ITGA1: variants seen among roughly 807,000 people sequenced by gnomAD.
The protein encoded by ITGA1 is integrin subunit alpha 1.
A neutral mutation model predicts 145.9 loss-of-function variants in ITGA1; 85 were observed. The ratio of observed to expected loss-of-function variants is 0.58; its 90% confidence interval spans 0.49 to 0.70. ITGA1 has a LOEUF of 0.70. Ranked by LOEUF, ITGA1 falls within the 30% of genes least tolerant of loss-of-function variation. ITGA1 has a pLI of 0.00. For synonymous variants in ITGA1, 520 were observed against 495.3 expected, an observed-to-expected ratio of 1.05 and a Z score of -0.66; for missense variants, 1,351 against 1,418.7, an observed-to-expected ratio of 0.95 and a Z score of 0.77.
intron 8 of ITGA1, among the ~76,000 whole-genome samples, chr5:52,889,162 A>G (rs13356826): frequency 0.33 from 50,405 of 151,688 alleles, 8,642 homozygotes; most frequent in Admixed American, 0.43. Flanking sequence ...GTGAAGTGGC[A>G]CGATCTCGGC....
chr5:52,829,289 G>A (rs1051031084), intron 1 of ITGA1, among the ~76,000 whole-genome samples: 45 of 152,264 alleles, frequency 3.0e-4, no homozygotes, highest in South Asian at 4.1e-4. Flanking sequence ...ACTTTGGGAG[G>A]CCGAGGTGGG....
intron 1 of ITGA1, among the ~76,000 whole-genome samples, chr5:52,845,076 G>GA (rs754726107): frequency 5.3e-5 from 8 of 151,998 alleles, no homozygotes; most frequent in Non-Finnish European, 1.2e-4. Context: ...GACAGGAAAT[G>GA]AAAAAAGAAG....
chr5:52,925,363 T>C lies in ITGA1; in HGVS notation c.2489T>C (p.Leu830Pro). ...GTCGCCACCACTGAAAAGGACCTGCTGATTGTCCGATCCCAGAATGATAAG... is the reference window on the plus strand; with the variant it reads ...GTCGCCACCACTGAAAAGGACCTGCCGATTGTCCGATCCCAGAATGATAAG... ...LHVATTEKDL[L>P]IVRSQNDKFN... Residue 830 changes from leucine to proline, a missense_variant, in exon 19 of 29, where the codon CTG becomes CCG. Physicochemically the swap from Leu to Pro is moderately conservative, Grantham distance 98 (BLOSUM62 -3). Transcript: ENST00000282588. 9 of 1,614,076 alleles carry C rather than the reference T, an allele frequency of 5.6e-6. No individual in the cohort carries two copies. Among genetic ancestry groups the C allele is most frequent in the Non-Finnish European group, 7.6e-6 (9 of 1,179,914 alleles).
intron 9 of ITGA1, among the ~76,000 whole-genome samples, chr5:52,894,541 A>G (rs935796839): frequency 6.6e-6 from 1 of 152,148 alleles, no homozygotes; most frequent in Non-Finnish European, 1.5e-5. Context: ...AGTCTTCAGA[A>G]TTGTTATGCC....
chr5:52,925,192 A>G (rs546785379), intron 18 of ITGA1, 86 bp from the exon 19 acceptor site: 2 of 951,516 alleles, frequency 2.1e-6, no homozygotes, highest in East Asian at 2.4e-5. Context: ...CTTTGGCTGT[A>G]TGCCATTTTT....
At position 52,865,088 on chromosome 5, in the gene ITGA1, G is replaced by C; in HGVS notation, c.496+6G>C. 1 of 1,588,832 alleles carries C rather than the reference G, an allele frequency of 6.3e-7. No individual in the cohort carries two copies. ...TTCCATTGCCCCTGTACAAGGTACA[G>C]ATTTTATGCAATGTTCTTGCATGTT... On this transcript the variant is annotated splice_donor_region_variant and intron_variant, in intron 5 of 28. Coordinates refer to ENST00000282588, the MANE Select transcript of ITGA1 (RefSeq NM_181501.2).
chr5:52,865,162 C>A, intron 5 of ITGA1, 80 bp downstream of exon 5: 2 of 1,005,054 alleles, frequency 2.0e-6, no homozygotes, highest in Non-Finnish European at 1.5e-6. Context: ...AGGAACATAC[C>A]AAAAAGCTTA....
At position 52,832,783 on chromosome 5, in the gene ITGA1, G is replaced by GTGTC. The variant is rs774327271; in HGVS notation, c.62-16579_62-16578insCTGT. ...TATAAATCTGTGTGTGTGTGTGTGT[G>GTGTC]TGTGTGTGTGTGTGTGTGTGTGTGT... On this transcript the variant is annotated intron_variant, in intron 1 of 28. Coordinates refer to ENST00000282588, the MANE Select transcript of ITGA1 (RefSeq NM_181501.2). Among the ~76,000 whole-genome samples, 174 of 144,464 alleles carry GTGTC rather than the reference G, an allele frequency of 1.2e-3. 2 individuals carry two copies. Among genetic ancestry groups the GTGTC allele is most frequent in the Middle Eastern group, 3.6e-3 (1 of 278 alleles). 94.8% of individuals were successfully genotyped at this position (144,464 alleles called of 152,430 possible). A position where few individuals can be genotyped will look rare whatever the true frequency, so the allele number is the denominator to read the frequency against.
At chr5:52,932,362 A>T (rs985377375) in intron 22 of ITGA1, 36 of 419,922 alleles carry the variant, frequency 8.6e-5, no homozygotes, top group Non-Finnish European at 1.4e-4. Flanking sequence ...TATACTAAAT[A>T]ACCCAAAGTG....
At chr5:52,801,550 G>A in intron 1 of ITGA1, 1 of 1,614,176 alleles carries the variant, frequency 6.2e-7, no homozygotes, top group East Asian at 2.2e-5. Flanking sequence ...GCATGAACCG[G>A]ATCGAGCTTT....
chr5:52,823,507 A>C (rs762901167), intron 1 of ITGA1, among the ~76,000 whole-genome samples: 1 of 152,252 alleles, frequency 6.6e-6, no homozygotes, highest in African/African-American at 2.4e-5. Context: ...CACCTATCCA[A>C]ATCATTTTAA....
Position 52,919,815 on chromosome 5 carries a change from G to A in ITGA1, c.2156-517G>A, listed in dbSNP as rs1750704903. Among the ~76,000 whole-genome samples, 2 of 151,952 alleles carry A rather than the reference G, an allele frequency of 1.3e-5. 1 individual carries two copies. The highest frequency in any genetic ancestry group is 4.1e-4 in the South Asian group (2 of 4,828). Reference sequence around the variant, plus strand: ...TAAGATTTCATTTATTTTCTTTATTGTGGTATGCTTATTTTATTGAACCTT... The same window carrying A: ...TAAGATTTCATTTATTTTCTTTATTATGGTATGCTTATTTTATTGAACCTT... On this transcript the variant is annotated intron_variant, in intron 16 of 28. Transcript: ENST00000282588.
intron 21 of ITGA1, among the ~76,000 whole-genome samples, chr5:52,930,914 T>A (rs2111887579): frequency 6.6e-6 from 1 of 152,274 alleles, no homozygotes; most frequent in South Asian, 2.1e-4. Context: ...TAAAGTCATC[T>A]GTACAGAGCT....
Position 52,922,268 on chromosome 5 carries a change from T to C in ITGA1, c.2293-509T>C, listed in dbSNP as rs141283909. Among the ~76,000 whole-genome samples the C allele has an allele frequency of 1.1e-3, 172 of 151,618 alleles. 3 individuals carry two copies. In the East Asian group the frequency reaches 0.015, roughly 13 times the overall value. On this transcript the variant is annotated intron_variant, in intron 17 of 28. Transcript: ENST00000282588. The stretch of plus-strand genomic sequence containing the variant: ...GTGAGCCGAGATCGTGCCGCTGTAC[T>C]CCAGCCTGGGTGACAGAGAGAGACT...
At position 52,801,461 on chromosome 5, in the gene ITGA1, C is replaced by G. The variant is rs769363762; in HGVS notation, c.61+13047C>G. On this transcript the variant is annotated intron_variant, in intron 1 of 28. Coordinates refer to ENST00000282588, the MANE Select transcript of ITGA1 (RefSeq NM_181501.2). The stretch of plus-strand genomic sequence containing the variant: ...TCCCTGAAAGAGGCCCTTTGTGACC[C>G]TACTGTGGCTAGCCGCCTTTCAGAC... The G allele has an allele frequency of 2.5e-6, 4 of 1,614,012 alleles. No homozygotes were observed. The South Asian group carries it at 4.4e-5, about 18-fold the overall frequency.
At chr5:52,899,726 A>G (rs1035546595) in intron 11 of ITGA1, among the ~76,000 whole-genome samples, 1 of 152,224 alleles carries the variant, frequency 6.6e-6, no homozygotes, top group Non-Finnish European at 1.5e-5. Flanking sequence ...CATTGCATGT[A>G]TTTTAGGTAT....
intron 1 of ITGA1, among the ~76,000 whole-genome samples, chr5:52,812,892 A>T (rs1748705277): frequency 7.4e-6 from 1 of 134,670 alleles, no homozygotes; most frequent in Non-Finnish European, 1.6e-5. Context: ...CCTGTTCCTA[A>T]CATAAATCTC....
intron 1 of ITGA1, among the ~76,000 whole-genome samples, chr5:52,843,527 A>G (rs1036694744): frequency 1.3e-5 from 2 of 152,164 alleles, no homozygotes; most frequent in African/African-American, 4.8e-5. Context: ...AACAGGCTAC[A>G]GTAATACTCC....
intron 16 of ITGA1, among the ~76,000 whole-genome samples, chr5:52,920,062 G>A (rs892336404): frequency 6.6e-6 from 1 of 152,096 alleles, no homozygotes; most frequent in African/African-American, 2.4e-5. Flanking sequence ...TGATAGGCAG[G>A]TGTGCATGTG....
Sources: gnomAD v4.1 joint callset for allele counts (sites outside exome capture counted in the v4.1 genomes callset) on GRCh38, gnomAD v4.1.1 for gene constraint, MANE v1.5 for transcripts, NCBI Gene and HGNC (gene_info 2026-07-23, HGNC 2026-07-21) for gene names.